SLA: variants seen among roughly 807,000 people sequenced by gnomAD.
SLA encodes the protein Src like adaptor, also known as src-like-adapter.
A neutral mutation model predicts 30.3 loss-of-function variants in SLA; 16 were observed. That is an observed-to-expected ratio of 0.53 (90% confidence interval 0.36 to 0.80). SLA has a LOEUF of 0.80. Among genes scored for constraint, SLA ranks in the 30% least tolerant of loss-of-function variants. The probability of loss-of-function intolerance (pLI) is 0.01; values close to 1 mark genes in which losing one functional copy is unlikely to be tolerated. For missense variants in SLA, 310 were observed against 345.2 expected (o/e 0.90, Z 0.81); for synonymous variants, 143 against 137.8 (o/e 1.04, Z -0.26).
chr8:133,041,910 C>T (rs1838328807), intron 7 of SLA, among the ~76,000 whole-genome samples: 1 of 151,402 alleles, frequency 6.6e-6, no homozygotes, highest in Non-Finnish European at 1.5e-5. Flanking sequence ...GCCTCAGACT[C>T]CCGAGTAGCT....
At chr8:133,066,428 A>G (rs1335937039) in intron 2 of SLA, among the ~76,000 whole-genome samples, 1 of 152,192 alleles carries the variant, frequency 6.6e-6, no homozygotes, top group Non-Finnish European at 1.5e-5. Flanking sequence ...TTTCATAAAA[A>G]TGTGCCACTC....
At position 133,038,387 on chromosome 8, in the gene SLA, A is replaced by C; in HGVS notation, c.*137T>G. Reference sequence around the variant, plus strand: ...TGTGGATAGAGAAGATGCGAATTTGAGTCTCCATGTGGCTTCTCTTGGCTT... The same window carrying C: ...TGTGGATAGAGAAGATGCGAATTTGCGTCTCCATGTGGCTTCTCTTGGCTT... On this transcript the variant is annotated 3_prime_UTR_variant, in exon 9 of 9. Transcript: ENST00000338087. 1 of 687,508 alleles carries C rather than the reference A, an allele frequency of 1.5e-6. No individual in the cohort carries two copies. The highest frequency in any genetic ancestry group is 2.6e-6 in the Non-Finnish European group (1 of 386,932). The allele number at this position is 687,508 out of a possible 1,614,324, so 42.6% of individuals were successfully genotyped here.
At chr8:133,049,499 G>A in intron 5 of SLA, 1 of 282,890 alleles carries the variant, frequency 3.5e-6, no homozygotes, top group Non-Finnish European at 7.0e-6. Context: ...TGACAGGTGA[G>A]GAAAGGGAAC....
intron 1 of SLA, among the ~76,000 whole-genome samples, chr8:133,082,473 GCA>G (rs2131542534): frequency 6.6e-6 from 1 of 152,276 alleles, no homozygotes; most frequent in South Asian, 2.1e-4. Context: ...GCAGCATTGG[GCA>G]CATAGAAGGA....
intron 8 of SLA, among the ~76,000 whole-genome samples, chr8:133,039,340 C>T (rs2131062109): frequency 6.6e-6 from 1 of 152,308 alleles, no homozygotes; most frequent in South Asian, 2.1e-4. Context: ...GGATGGCTGA[C>T]ACTTCCAGCT....
intron 2 of SLA, among the ~76,000 whole-genome samples, chr8:133,073,785 A>G (rs1306336916): frequency 6.6e-6 from 1 of 151,490 alleles, no homozygotes; most frequent in East Asian, 1.9e-4. Context: ...GGCTCCCCCA[A>G]CCCTTTAGAG....
chr8:133,059,551 TC>T (rs1253248469), intron 3 of SLA, among the ~76,000 whole-genome samples: 2 of 152,034 alleles, frequency 1.3e-5, no homozygotes, highest in Non-Finnish European at 2.9e-5. Flanking sequence ...ATTAGGCTCT[TC>T]CCCCGAGAAT....
At position 133,038,129 on chromosome 8, in the gene SLA, A is replaced by G. The variant is rs916267237; in HGVS notation, c.*395T>C. 1 of 194,248 alleles carries G rather than the reference A, an allele frequency of 5.1e-6. No individual in the cohort carries two copies. Among genetic ancestry groups the G allele is most frequent in the Non-Finnish European group, 1.1e-5 (1 of 94,124 alleles). The allele number at this position is 194,248 out of a possible 1,614,324, so 12.0% of individuals were successfully genotyped here. A position where few individuals can be genotyped will look rare whatever the true frequency, so the allele number is the denominator to read the frequency against. ...TTTCCTCTCCCTCTCAGGCTTGCCC[A>G]TACAGAAGTTCTCTCCAATGACCTT... On this transcript the variant is annotated 3_prime_UTR_variant, in exon 9 of 9. Transcript: ENST00000338087.
In SLA at chr8:133,040,096, C is replaced by A; in HGVS notation, c.519G>T (p.Thr173=). 6.4e-7 allele frequency: 1 copy of A among 1,569,838 alleles called. No individual in the cohort carries two copies. The highest frequency in any genetic ancestry group is 8.6e-7 in the Non-Finnish European group (1 of 1,157,426). The change falls in exon 8 of 9, where the codon ACG becomes ACT. Residue 173 remains threonine, a synonymous_variant. Transcript: ENST00000338087. The part of the protein sequence containing the change: ...VADGLCCVLT[T]PCLTQSTAAP... ...CAGCCGTGCTTTGTGTCAGGCAGGG[C>A]GTGGTGAGCACACAGCACAGGCCAT...
chr8:133,067,916 AAAGAG>A (rs1564145874), intron 2 of SLA, among the ~76,000 whole-genome samples: 8 of 91,932 alleles, frequency 8.7e-5, no homozygotes, highest in South Asian at 5.8e-4. Flanking sequence ...GGAAGGAAGG[AAAGAG>A]AGAGAGAGAG....
chr8:133,044,859 G>T, intron 7 of SLA, 125 bp downstream of exon 7: 1 of 891,542 alleles, frequency 1.1e-6, no homozygotes, highest in Non-Finnish European at 1.8e-6. Context: ...TAACGAGAGA[G>T]CATATCATGA....
At chr8:133,058,702 G>T (rs532819539) in intron 3 of SLA, among the ~76,000 whole-genome samples, 1 of 152,224 alleles carries the variant, frequency 6.6e-6, no homozygotes, top group Non-Finnish European at 1.5e-5. Context: ...CAGCAGCTCA[G>T]CCACCCTGCA....
At chr8:133,058,782 C>T (rs549962270) in intron 3 of SLA, among the ~76,000 whole-genome samples, 1 of 152,358 alleles carries the variant, frequency 6.6e-6, no homozygotes, top group Admixed American at 6.5e-5. Context: ...TGCTCTGTTC[C>T]ACCTTGTCAT....
intron 2 of SLA, among the ~76,000 whole-genome samples, chr8:133,068,598 G>A (rs1382975721): frequency 6.6e-6 from 1 of 152,192 alleles, no homozygotes; most frequent in Non-Finnish European, 1.5e-5. Context: ...GGATTGGCAA[G>A]AGGAGGTGTT....
Position 133,045,027 on chromosome 8 carries a change from C to G in SLA, c.441G>C (p.Arg147Ser), listed in dbSNP as rs774166762. The G allele has an allele frequency of 2.8e-5, 46 of 1,614,074 alleles. No individual in the cohort carries two copies. Among genetic ancestry groups the G allele is most frequent in the Non-Finnish European group, 3.8e-5 (45 of 1,180,032 alleles). ...LPNNWYYISP[R>S]LTFQCLEDLV... ...GGTCCTCCAGGCACTGGAAGGTGAG[C>G]CTCGGGGAAATGTAGTACCAGTTGT... is the stretch of plus-strand genomic sequence containing the variant. The change falls in exon 7 of 9, where the codon AGG (arginine) becomes AGC (serine). Residue 147 changes from arginine (R) to serine (S), a missense_variant. Coordinates refer to ENST00000338087, the MANE Select transcript of SLA (RefSeq NM_001045556.3).
chr8:133,042,981 AC>A (rs533952648), intron 7 of SLA, among the ~76,000 whole-genome samples: 23,014 of 151,814 alleles, frequency 0.15, 2,431 homozygotes, highest in East Asian at 0.47. Flanking sequence ...GGCATGACCC[AC>A]CATGCCTGGC....
At chr8:133,075,382 C>T (rs1193707051) in intron 1 of SLA, among the ~76,000 whole-genome samples, 1 of 152,116 alleles carries the variant, frequency 6.6e-6, no homozygotes, top group South Asian at 2.1e-4. Flanking sequence ...CCGAATGGAC[C>T]CCAGAGCAAT....
In SLA at chr8:133,076,467, G is replaced by C. The variant is rs776841331; in HGVS notation, c.-318-1337C>G. 5.3e-5 allele frequency among the ~76,000 whole-genome samples: 8 copies of C among 152,202 alleles called. No individual in the cohort carries two copies. The South Asian group carries it at 1.4e-3, about 28-fold the overall frequency. On this transcript the variant is annotated intron_variant, in intron 1 of 8. Coordinates refer to ENST00000338087, the MANE Select transcript of SLA (RefSeq NM_001045556.3). ...TTGTGAAAACACCCGCTCAAGAAGA[G>C]CATGCTGGGAAGGTACAAAGGAACT...
intron 5 of SLA, chr8:133,049,610 C>T: frequency 2.4e-6 from 1 of 410,604 alleles, no homozygotes; most frequent in Non-Finnish European, 4.6e-6. Context: ...CTGTGCTGTG[C>T]CCTCCCATAA....
Sources: gnomAD v4.1 joint callset for allele counts (sites outside exome capture counted in the v4.1 genomes callset) on GRCh38, gnomAD v4.1.1 for gene constraint, MANE v1.5 for transcripts, NCBI Gene and HGNC (gene_info 2026-07-23, HGNC 2026-07-21) for gene names.